The following WWOX variants were observed in gnomAD, a reference collection of about 807,000 sequenced individuals.
WWOX encodes WW domain-containing oxidoreductase.
A neutral mutation model predicts 46.2 loss-of-function variants in WWOX; 69 were observed. The ratio of observed to expected loss-of-function variants is 1.49; its 90% CI spans 1.23 to 1.82. WWOX has a LOEUF of 1.82. WWOX is among the 40% of genes most tolerant of loss of function. WWOX has a pLI of 0.00. For missense variants in WWOX, 919 were observed against 542.6 expected, an observed-to-expected ratio of 1.69 and a Z score of -6.89; for synonymous variants, 359 against 202.6, an observed-to-expected ratio of 1.77 and a Z score of -6.56.
chr16:78,254,302 C>G (rs768572767), intron 5 of WWOX, among the ~76,000 whole-genome samples: 3 of 151,796 alleles, frequency 2.0e-5, no homozygotes, highest in Non-Finnish European at 4.4e-5. Context: ...CAGGGCTAGT[C>G]TCGAACTCCT....
At chr16:78,977,422 G>A (rs921377672) in intron 8 of WWOX, among the ~76,000 whole-genome samples, 6 of 152,048 alleles carry the variant, frequency 3.9e-5, no homozygotes, top group Non-Finnish European at 5.9e-5. Context: ...TTCTGTCCTC[G>A]CCCCACAAGC....
At chr16:78,701,824 T>C (rs995837591) in intron 8 of WWOX, among the ~76,000 whole-genome samples, 2 of 151,388 alleles carry the variant, frequency 1.3e-5, no homozygotes, top group Admixed American at 6.6e-5. Context: ...TGAGTTTCTC[T>C]CCATGATGGC....
intron 8 of WWOX, among the ~76,000 whole-genome samples, chr16:78,452,806 CT>C (rs2083724051): frequency 6.6e-6 from 1 of 150,394 alleles, no homozygotes; most frequent in Non-Finnish European, 1.5e-5. Flanking sequence ...GTCTTTCGAT[CT>C]TTTTCTGTTT....
At chr16:78,912,049 G>C (rs960069534) in intron 8 of WWOX, among the ~76,000 whole-genome samples, 1 of 152,002 alleles carries the variant, frequency 6.6e-6, no homozygotes, top group Non-Finnish European at 1.5e-5. Flanking sequence ...AGCTACCTAG[G>C]TTCTGAGTCC....
At chr16:78,719,563 C>G (rs928754746) in intron 8 of WWOX, among the ~76,000 whole-genome samples, 1 of 152,136 alleles carries the variant, frequency 6.6e-6, no homozygotes, top group African/African-American at 2.4e-5. Flanking sequence ...AGAAGGGGGA[C>G]TTTAAGGTTA....
intron 8 of WWOX, among the ~76,000 whole-genome samples, chr16:78,694,612 T>C (rs1385831636): frequency 6.6e-6 from 1 of 152,206 alleles, no homozygotes; most frequent in Non-Finnish European, 1.5e-5. Flanking sequence ...TTTATTCACA[T>C]TAACCAGCAA....
intron 8 of WWOX, among the ~76,000 whole-genome samples, chr16:78,814,336 G>GA (rs1281256445): frequency 6.6e-6 from 1 of 151,584 alleles, no homozygotes; most frequent in Non-Finnish European, 1.5e-5. Flanking sequence ...TAAAAAACTG[G>GA]AAAAAATGCA....
At chr16:78,170,535 A>C (rs1327642336) in intron 5 of WWOX, among the ~76,000 whole-genome samples, 2 of 152,196 alleles carry the variant, frequency 1.3e-5, no homozygotes, top group Admixed American at 1.3e-4. Flanking sequence ...TCTAGGGCAG[A>C]TGTTTATCAG....
intron 8 of WWOX, among the ~76,000 whole-genome samples, chr16:78,826,843 C>T (rs1349900534): frequency 2.0e-5 from 3 of 152,168 alleles, no homozygotes; most frequent in Non-Finnish European, 2.9e-5. Flanking sequence ...TGTGACAATT[C>T]TGGATTTACT....
chr16:78,851,670 A>G (rs2052447184), intron 8 of WWOX, among the ~76,000 whole-genome samples: 1 of 152,240 alleles, frequency 6.6e-6, no homozygotes, highest in Non-Finnish European at 1.5e-5. Context: ...GGCTGAGGCA[A>G]TACGTTTCAA....
chr16:78,346,640 T>C lies in WWOX; in HGVS notation c.517-40220T>C, dbSNP rs1269080536. On this transcript the variant is annotated intron_variant, in intron 5 of 8. Coordinates refer to ENST00000566780, the MANE Select transcript of WWOX (RefSeq NM_016373.4). ...TATATTTTTTTTTAATTGTGAAATA[T>C]GTGAGTATGATGAGTAATGATTTTG... Among the ~76,000 whole-genome samples the C allele has an allele frequency of 2.5e-5, 3 of 120,168 alleles. 1 individual carries two copies. The highest frequency in any genetic ancestry group is 8.5e-5 in the African/African-American group (3 of 35,440). The allele number at this position is 120,168 out of a possible 152,430, so 78.8% of individuals were successfully genotyped here.
intron 8 of WWOX, among the ~76,000 whole-genome samples, chr16:79,159,657 C>G (rs994321690): frequency 2.0e-5 from 3 of 152,166 alleles, no homozygotes; most frequent in African/African-American, 7.2e-5. Flanking sequence ...CAGGACAAAT[C>G]TTTTCATATT....
chr16:78,744,536 A>G (rs2049303752), intron 8 of WWOX, among the ~76,000 whole-genome samples: 1 of 147,266 alleles, frequency 6.8e-6, no homozygotes. Flanking sequence ...GGTTCAAGCA[A>G]TTTTCTTGCC....
chr16:78,427,194 G>A (rs545356458), intron 7 of WWOX, among the ~76,000 whole-genome samples: 30 of 152,228 alleles, frequency 2.0e-4, no homozygotes, highest in Admixed American at 1.4e-3. Flanking sequence ...GAATCTCTTC[G>A]TTGGAGTTAA....
chr16:78,812,147 C>T (rs1242431019), intron 8 of WWOX, among the ~76,000 whole-genome samples: 1 of 152,032 alleles, frequency 6.6e-6, no homozygotes, highest in East Asian at 1.9e-4. Flanking sequence ...GGTACCAATG[C>T]ATGGCAATGC....
chr16:78,817,386 G>A (rs2051362700), intron 8 of WWOX, among the ~76,000 whole-genome samples: 1 of 152,024 alleles, frequency 6.6e-6, no homozygotes, highest in African/African-American at 2.4e-5. Flanking sequence ...AGGCCAGCCT[G>A]CCAGAAGCAT....
chr16:78,622,263 C>G (rs940897282), intron 8 of WWOX, among the ~76,000 whole-genome samples: 8 of 151,994 alleles, frequency 5.3e-5, no homozygotes, highest in African/African-American at 1.9e-4. Context: ...ACCCTTGTGG[C>G]TGGTCGCAGT....
intron 8 of WWOX, among the ~76,000 whole-genome samples, chr16:79,189,732 C>T (rs2051093915): frequency 6.6e-6 from 1 of 151,778 alleles, no homozygotes; most frequent in African/African-American, 2.4e-5. Flanking sequence ...GGGTTTCATC[C>T]CGCCGTGTTC....
Position 78,115,036 on chromosome 16 carries a change from T to C in WWOX, c.291T>C (p.Asn97=). The C allele has an allele frequency of 6.2e-7, 1 of 1,614,142 alleles. No individual in the cohort carries two copies. Among genetic ancestry groups the C allele is most frequent in the Non-Finnish European group, 8.5e-7 (1 of 1,180,038 alleles). ...DPRLAFTVDD[N]PTKPTTRQRY... ...GACTGGCGTTTACTGTGGATGATAA[T>C]CCGACCAAGCCAACCACCCGGCAAA... is the stretch of plus-strand genomic sequence containing the variant. The change falls in exon 4 of 9, where the codon AAT becomes AAC. Residue 97 remains asparagine (N), a synonymous_variant. Coordinates refer to ENST00000566780, the MANE Select transcript of WWOX (RefSeq NM_016373.4).
Sources: allele counts gnomAD v4.1 joint callset (sites outside exome capture counted in the v4.1 genomes callset), GRCh38; gene constraint gnomAD v4.1.1; transcripts MANE v1.5; gene names NCBI Gene and HGNC (gene_info 2026-07-23, HGNC 2026-07-21).